The following SNX30 variants were observed in gnomAD, a reference collection of about 807,000 sequenced individuals.
SNX30 encodes sorting nexin-30.
Under a neutral mutation model 46.4 loss-of-function variants are expected in SNX30, and 24 were observed. That is an observed-to-expected ratio of 0.52 (90% CI 0.37 to 0.73). The LOEUF is 0.73. Among genes scored for constraint, SNX30 ranks in the 30% least tolerant of loss-of-function variants. The pLI is 0.00. For missense variants in SNX30, 533 were observed against 555.7 expected, an observed-to-expected ratio of 0.96 and a Z score of 0.41; for synonymous variants, 189 against 211.5, an observed-to-expected ratio of 0.89 and a Z score of 0.92.
chr9:112,832,510 G>GAGAGAGAGA lies in SNX30; in HGVS notation c.618+1629_618+1630insAGAGAGAAG, dbSNP rs376705361. Among the ~76,000 whole-genome samples the GAGAGAGAGA allele has an allele frequency of 4.7e-3, 650 of 139,590 alleles. 7 individuals are homozygous for GAGAGAGAGA. Among genetic ancestry groups the GAGAGAGAGA allele is most frequent in the African/African-American group, 0.014 (519 of 36,088 alleles). The allele number at this position is 139,590 out of a possible 152,430, so 91.6% of individuals were successfully genotyped here. A position where few individuals can be genotyped will look rare whatever the true frequency, so the allele number is the denominator to read the frequency against. The stretch of plus-strand genomic sequence containing the variant: ...TGTGTGTGTGTGAGAGAGAGAGAGA[G>GAGAGAGAGA]AGGAGATTTATCTATCTGTGGGCCA... On this transcript the variant is annotated intron_variant, in intron 4 of 8. Coordinates refer to ENST00000374232, the MANE Select transcript of SNX30 (RefSeq NM_001012994.2).
chr9:112,827,879 A>G (rs2131439626), intron 3 of SNX30, among the ~76,000 whole-genome samples: 1 of 152,300 alleles, frequency 6.6e-6, no homozygotes, highest in East Asian at 1.9e-4. Context: ...GTCCTGATAG[A>G]CCTGCTTGGC....
intron 7 of SNX30, among the ~76,000 whole-genome samples, chr9:112,855,598 A>T (rs1841111303): frequency 6.6e-6 from 1 of 152,074 alleles, no homozygotes. Context: ...GAGTCCTAGG[A>T]CGTCTTGTGG....
intron 1 of SNX30, among the ~76,000 whole-genome samples, chr9:112,771,343 G>C (rs1038220868): frequency 6.6e-6 from 1 of 152,208 alleles, no homozygotes; most frequent in Non-Finnish European, 1.5e-5. Context: ...ATGGCTATTA[G>C]TAGGGTGCTG....
At chr9:112,832,447 AGAGAGAGAGAGAGT>A (rs1408570334) in intron 4 of SNX30, among the ~76,000 whole-genome samples, 3 of 120,742 alleles carry the variant, frequency 2.5e-5, no homozygotes, top group East Asian at 5.2e-4. Context: ...AGAGAGAGAG[AGAGAGAGAGAGAGT>A]GTGTGTGTGT....
In SNX30 at chr9:112,864,408, T is replaced by C. The variant is rs1196866784; in HGVS notation, c.1254+9T>C. 41 of 1,613,846 alleles carry C rather than the reference T, an allele frequency of 2.5e-5. No individual in the cohort carries two copies. The highest frequency in any genetic ancestry group is 3.3e-5 in the Non-Finnish European group (39 of 1,179,974). On this transcript the variant is annotated intron_variant, in intron 8 of 8. Coordinates refer to ENST00000374232, the MANE Select transcript of SNX30 (RefSeq NM_001012994.2). ...TCCAGTATTATGAGAAGGTAATGAGTGTGCCCAACAAGACTGGTTTCTAAT... is the reference window on the plus strand; with the variant it reads ...TCCAGTATTATGAGAAGGTAATGAGCGTGCCCAACAAGACTGGTTTCTAAT...
intron 5 of SNX30, among the ~76,000 whole-genome samples, chr9:112,837,838 T>G (rs1423621446): frequency 6.6e-6 from 1 of 151,784 alleles, no homozygotes; most frequent in Non-Finnish European, 1.5e-5. Context: ...CTGCCTCCAT[T>G]GCCTGTTAAA....
At chr9:112,815,323 G>GA (rs2131417796) in intron 2 of SNX30, among the ~76,000 whole-genome samples, 1 of 151,172 alleles carries the variant, frequency 6.6e-6, no homozygotes, top group South Asian at 2.1e-4. Flanking sequence ...AAATGGATCT[G>GA]AAAAACATAA....
intron 1 of SNX30, among the ~76,000 whole-genome samples, chr9:112,791,624 C>T (rs1447851776): frequency 6.6e-6 from 1 of 151,824 alleles, no homozygotes; most frequent in Non-Finnish European, 1.5e-5. Flanking sequence ...GTTGGCCAGG[C>T]TGGTTTCAAT....
chr9:112,795,833 G>T (rs1051796431), intron 1 of SNX30, among the ~76,000 whole-genome samples: 12 of 151,410 alleles, frequency 7.9e-5, no homozygotes, highest in Admixed American at 5.9e-4. Context: ...GCAGTCACTG[G>T]GGACTTACAG....
chr9:112,807,720 T>C (rs983387515), intron 2 of SNX30, among the ~76,000 whole-genome samples: 1 of 152,212 alleles, frequency 6.6e-6, no homozygotes, highest in Non-Finnish European at 1.5e-5. Flanking sequence ...TTGATTTTTC[T>C]GCCCCAAAAT....
intron 1 of SNX30, among the ~76,000 whole-genome samples, chr9:112,773,379 AAAG>A (rs1839684044): frequency 6.6e-6 from 1 of 152,132 alleles, no homozygotes; most frequent in Non-Finnish European, 1.5e-5. Context: ...ATATGGCTAC[AAAG>A]AAGATTATTT....
chr9:112,844,250 A>G (rs752208054), intron 6 of SNX30, among the ~76,000 whole-genome samples: 11 of 152,182 alleles, frequency 7.2e-5, no homozygotes, highest in Non-Finnish European at 1.5e-4. Context: ...GGATCGCAGT[A>G]CTGTTTATTG....
At chr9:112,773,809 C>G (rs771093621) in intron 1 of SNX30, among the ~76,000 whole-genome samples, 1 of 152,152 alleles carries the variant, frequency 6.6e-6, no homozygotes, top group Non-Finnish European at 1.5e-5. Context: ...AAATAAGCAG[C>G]TCACAATAAA....
chr9:112,757,687 G>T (rs1426520121), intron 1 of SNX30, among the ~76,000 whole-genome samples: 1 of 152,036 alleles, frequency 6.6e-6, no homozygotes, highest in Non-Finnish European at 1.5e-5. Flanking sequence ...GGCTTTCCAG[G>T]TCTCTGAGTC....
chr9:112,756,337 A>G (rs1355928730), intron 1 of SNX30, among the ~76,000 whole-genome samples: 1 of 151,932 alleles, frequency 6.6e-6, no homozygotes, highest in Non-Finnish European at 1.5e-5. Context: ...CTGTCTTCTG[A>G]AATCATGTCC....
chr9:112,864,292 A>G lies in SNX30; in HGVS notation c.1147A>G (p.Asn383Asp), dbSNP rs1374027932. ...EKCQDRMECF[N>D]ADLKADMERW... ...ATGTCAGGATCGGATGGAGTGTTTC[A>G]ATGCTGACCTGAAAGCTGACATGGA... is the stretch of plus-strand genomic sequence containing the variant. Residue 383 changes from asparagine (N) to aspartate (D), a missense_variant, in exon 8 of 9, where the codon AAT becomes GAT. Transcript: ENST00000374232. 2 of 1,614,164 alleles carry G rather than the reference A, an allele frequency of 1.2e-6. No individual in the cohort carries two copies. The highest frequency in any genetic ancestry group is 1.1e-5 in the South Asian group (1 of 91,084).
chr9:112,819,858 A>G (rs536267034), intron 3 of SNX30, among the ~76,000 whole-genome samples: 26 of 152,272 alleles, frequency 1.7e-4, no homozygotes, highest in Admixed American at 1.2e-3. Flanking sequence ...GTGCCTCACC[A>G]TTGATGTGAA....
chr9:112,864,219 G>A, intron 7 of SNX30, 28 bp from the exon 8 acceptor site: 2 of 1,612,304 alleles, frequency 1.2e-6, no homozygotes, highest in Non-Finnish European at 1.7e-6. Flanking sequence ...TTGTGTGCAG[G>A]GCACCCATGT....
chr9:112,764,381 T>TTGTTGC (rs1302728704), intron 1 of SNX30, among the ~76,000 whole-genome samples: 1 of 152,100 alleles, frequency 6.6e-6, no homozygotes, highest in African/African-American at 2.4e-5. Context: ...GTCGTTGTTG[T>TTGTTGC]TGTTGCTGTT....
Sources: gnomAD v4.1 joint callset for allele counts (sites outside exome capture counted in the v4.1 genomes callset) on GRCh38, gnomAD v4.1.1 for gene constraint, MANE v1.5 for transcripts, NCBI Gene and HGNC (gene_info 2026-07-23, HGNC 2026-07-21) for gene names.